FBRSL1: variants seen among roughly 807,000 people sequenced by gnomAD.
FBRSL1 encodes fibrosin-1-like protein.
Under a neutral mutation model 89.6 loss-of-function variants are expected in FBRSL1, and 51 were observed. That is an observed-to-expected ratio of 0.57 (90% CI 0.45 to 0.72). FBRSL1 has a LOEUF of 0.72. Ranked by LOEUF, FBRSL1 falls within the 30% of genes least tolerant of loss-of-function variation. The probability of loss-of-function intolerance (pLI) is 0.00; values close to 1 mark genes in which losing one functional copy is unlikely to be tolerated. For missense variants in FBRSL1, 1,618 were observed against 1,451.8 expected (o/e 1.11, Z -1.86); for synonymous variants, 779 against 681.1 (o/e 1.14, Z -2.24).
intron 3 of FBRSL1, among the ~76,000 whole-genome samples, chr12:132,526,418 A>G (rs1294977271): frequency 6.6e-6 from 1 of 152,200 alleles, no homozygotes; most frequent in East Asian, 1.9e-4. Context: ...CCCCTGGTGA[A>G]GGAAGTCACA....
At chr12:132,552,929 G>A (rs999858601) in intron 5 of FBRSL1, 2 of 158,320 alleles carry the variant, frequency 1.3e-5, no homozygotes, top group Non-Finnish European at 2.8e-5. Context: ...AATTTCAACA[G>A]CAGTCCAGTG....
intron 15 of FBRSL1, 115 bp from the exon 16 acceptor site, chr12:132,581,324 G>A (rs1319238391): frequency 1.6e-5 from 25 of 1,541,460 alleles, no homozygotes; most frequent in South Asian, 3.6e-5. Context: ...GCATGCGAGA[G>A]AATGGGAGGT....
At chr12:132,537,606 T>C (rs747918676) in intron 4 of FBRSL1, among the ~76,000 whole-genome samples, 2 of 152,206 alleles carry the variant, frequency 1.3e-5, no homozygotes, top group African/African-American at 2.4e-5. Flanking sequence ...ACATGTCTGA[T>C]GGAATGTTCT....
In FBRSL1 at chr12:132,570,155, C is replaced by A. The variant is rs889562586; in HGVS notation, c.921C>A (p.Arg307=). The change falls in exon 7 of 19, where the codon CGC becomes CGA. Residue 307 remains arginine, a synonymous_variant. Transcript: ENST00000680143. ...CGCAGCCGCCACCCCCGCAGCCCCG[C>A]GGCCTGCTCCCGACACACGTGCCTG... ...HTPQPPPPQP[R]GLLPTHVPAS... is the part of the protein sequence containing the mutation. The A allele has an allele frequency of 5.6e-5, 84 of 1,491,560 alleles. No homozygotes were observed. The highest frequency in any genetic ancestry group is 1.9e-4 in the Middle Eastern group (1 of 5,184). 92.4% of individuals were successfully genotyped at this position (1,491,560 alleles called of 1,614,324 possible).
At chr12:132,492,608 C>T (rs1023222147) in intron 1 of FBRSL1, among the ~76,000 whole-genome samples, 5 of 152,220 alleles carry the variant, frequency 3.3e-5, no homozygotes, top group Admixed American at 6.5e-5. Context: ...GTGTTTTGCC[C>T]GCAGCGGCTC....
intron 2 of FBRSL1, chr12:132,509,040 C>G: frequency 2.5e-6 from 3 of 1,215,880 alleles, no homozygotes; most frequent in Non-Finnish European, 3.1e-6. Flanking sequence ...GTCCTCGGCT[C>G]TCCTCGGCCC....
Position 132,535,030 on chromosome 12 carries a change from G to A in FBRSL1, c.615+7042G>A, listed in dbSNP as rs186078619. Among the ~76,000 whole-genome samples the A allele has an allele frequency of 8.1e-3, 1,239 of 152,336 alleles. 12 individuals are homozygous for A. The highest frequency in any genetic ancestry group is 0.012 in the Non-Finnish European group (823 of 68,022). ...GGGTGGCACAGGCAGTGAAGGTGGCGGCGCACAGCCCTGCTGGAGAGGGCC... is the reference window on the plus strand; with the variant it reads ...GGGTGGCACAGGCAGTGAAGGTGGCAGCGCACAGCCCTGCTGGAGAGGGCC... On this transcript the variant is annotated intron_variant, in intron 4 of 18. Coordinates refer to ENST00000680143, the MANE Select transcript of FBRSL1 (RefSeq NM_001367871.1).
intron 4 of FBRSL1, among the ~76,000 whole-genome samples, chr12:132,536,089 TGGTG>T (rs1454949536): frequency 1.6e-5 from 2 of 124,174 alleles, no homozygotes; most frequent in East Asian, 6.1e-4. Context: ...TGTGTGTACA[TGGTG>T]TGTGTGTGTG....
intron 6 of FBRSL1, among the ~76,000 whole-genome samples, chr12:132,569,277 G>A (rs1210517324): frequency 4.6e-5 from 7 of 152,144 alleles, no homozygotes; most frequent in Non-Finnish European, 7.4e-5. Flanking sequence ...ACGTGCCTAG[G>A]TGGGCAGAAG....
intron 2 of FBRSL1, among the ~76,000 whole-genome samples, chr12:132,515,600 A>G (rs2034765777): frequency 6.6e-6 from 1 of 151,960 alleles, no homozygotes; most frequent in South Asian, 2.1e-4. Context: ...GAACAGAAAT[A>G]CAGAAATTAA....
rs894445031 is a variant in FBRSL1, at chr12:132,546,999, G to A, written c.616-1004G>A. On this transcript the variant is annotated intron_variant, in intron 4 of 18. Transcript: ENST00000680143. This position sits in a 1 kb window ranked among gnomAD's most constrained non-coding sequence, Gnocchi z 4.0. ...ATCCGGCTGGCACTCACCACCCTCCGTGCACTGGGGGGTTTATTCTTCCAC... is the reference window on the plus strand; with the variant it reads ...ATCCGGCTGGCACTCACCACCCTCCATGCACTGGGGGGTTTATTCTTCCAC... 2.6e-5 allele frequency among the ~76,000 whole-genome samples: 4 copies of A among 152,242 alleles called. No homozygotes were observed. Among genetic ancestry groups the A allele is most frequent in the East Asian group, 1.9e-4 (1 of 5,200 alleles).
intron 6 of FBRSL1, 107 bp downstream of exon 6, chr12:132,567,633 G>T (rs2039719837): frequency 3.3e-6 from 4 of 1,195,078 alleles, no homozygotes; most frequent in Non-Finnish European, 4.8e-6. Flanking sequence ...GATGGTCTTG[G>T]CACCTGGGGT....
At chr12:132,578,269 CAGG>C (rs1316968911) in intron 15 of FBRSL1, among the ~76,000 whole-genome samples, 2 of 151,754 alleles carry the variant, frequency 1.3e-5, no homozygotes, top group African/African-American at 4.8e-5. Flanking sequence ...CGCTTGAGCC[CAGG>C]AGGTCAAGGT....
At chr12:132,562,810 T>C (rs1296391378) in intron 5 of FBRSL1, among the ~76,000 whole-genome samples, 2 of 152,112 alleles carry the variant, frequency 1.3e-5, no homozygotes, top group Admixed American at 1.3e-4. Flanking sequence ...TTCTCTGTGG[T>C]TCAGGCCCTT....
rs78133046 is a variant in FBRSL1 at position 132,577,667 on chromosome 12, C to T, written c.1834+736C>T. The stretch of plus-strand genomic sequence containing the variant: ...GGTCACCCCTCCCCCAGCAACACAA[C>T]GTGACCACACCCGAGTGTCATCCTC... On this transcript the variant is annotated intron_variant, in intron 15 of 18. Transcript: ENST00000680143. Among the ~76,000 whole-genome samples, 345 of 151,908 alleles carry T rather than the reference C, an allele frequency of 2.3e-3. 3 individuals are homozygous for T. The highest frequency in any genetic ancestry group is 7.5e-3 in the African/African-American group (312 of 41,428).
intron 9 of FBRSL1, chr12:132,571,518 C>G: frequency 6.5e-7 from 1 of 1,534,040 alleles, no homozygotes; most frequent in Non-Finnish European, 8.8e-7. Context: ...CCGCCGCACC[C>G]CCGCCGGTGC....
intron 2 of FBRSL1, among the ~76,000 whole-genome samples, chr12:132,522,621 G>A (rs553161673): frequency 4.6e-5 from 7 of 152,282 alleles, no homozygotes; most frequent in South Asian, 4.1e-4. Context: ...ACTGACAGGC[G>A]CTCCATGCTG....
rs542546349 is a variant in FBRSL1, at chr12:132,522,480, G to A, written c.490-3254G>A. ...CCCCAGTGCTCCTGGTCCCACCAGC[G>A]GCTGGTCTGCGGCTGCCCAGTGGAG... On this transcript the variant is annotated intron_variant, in intron 2 of 18. Transcript: ENST00000680143. Among the ~76,000 whole-genome samples the A allele has an allele frequency of 1.6e-4, 24 of 152,326 alleles. No homozygotes were observed. In the South Asian group the frequency reaches 3.1e-3, roughly 20 times the overall value.
chr12:132,572,244 G>T, intron 9 of FBRSL1, 44 bp from the exon 10 acceptor site: 1 of 1,533,956 alleles, frequency 6.5e-7, no homozygotes, highest in Non-Finnish European at 8.8e-7. Context: ...CCCAGCAACG[G>T]TGTCGTGTGT....
Sources: allele counts gnomAD v4.1 joint callset (sites outside exome capture counted in the v4.1 genomes callset), GRCh38; gene constraint gnomAD v4.1.1; non-coding constraint Gnocchi (gnomAD v3.1); transcripts MANE v1.5; gene names NCBI Gene and HGNC (gene_info 2026-07-23, HGNC 2026-07-21).